PTPRM: variants seen among roughly 807,000 people sequenced by gnomAD.
PTPRM encodes the protein receptor-type tyrosine-protein phosphatase mu.
In PTPRM, 47 loss-of-function variants were observed where a neutral mutation model predicts 186.7. That is an observed-to-expected ratio of 0.25 (90% confidence interval 0.20 to 0.32). The LOEUF (loss-of-function observed/expected upper bound fraction) is 0.32. Among genes scored for constraint, PTPRM ranks in the 10% least tolerant of loss-of-function variants. The pLI is 1.00. For synonymous variants in PTPRM, 668 were observed against 674.9 expected (o/e 0.99, Z 0.16); for missense variants, 1,494 against 1,865.0 (o/e 0.80, Z 3.66).
At chr18:8,271,015 A>G (rs557934938) in intron 19 of PTPRM, among the ~76,000 whole-genome samples, 1 of 152,276 alleles carries the variant, frequency 6.6e-6, no homozygotes, top group East Asian at 1.9e-4. Flanking sequence ...CTCACCACAC[A>G]CACAAAAGTA....
intron 2 of PTPRM, among the ~76,000 whole-genome samples, chr18:7,785,006 A>G (rs983172470): frequency 6.6e-6 from 1 of 152,166 alleles, no homozygotes; most frequent in African/African-American, 2.4e-5. Context: ...TGGAACAGGT[A>G]GAAACGCCAG....
intron 14 of PTPRM, among the ~76,000 whole-genome samples, chr18:8,221,587 A>T (rs747884639): frequency 2.6e-4 from 40 of 152,170 alleles, no homozygotes; most frequent in Non-Finnish European, 4.6e-4. Flanking sequence ...GACAAAAGTG[A>T]GGTACAACAG....
intron 22 of PTPRM, among the ~76,000 whole-genome samples, chr18:8,331,039 A>G (rs931333913): frequency 2.0e-5 from 3 of 152,080 alleles, no homozygotes; most frequent in African/African-American, 4.8e-5. Flanking sequence ...TCCATATCCC[A>G]TCACTCAAAT....
At chr18:7,846,684 G>A (rs1023744011) in intron 2 of PTPRM, among the ~76,000 whole-genome samples, 6 of 152,260 alleles carry the variant, frequency 3.9e-5, no homozygotes, top group Non-Finnish European at 4.4e-5. Context: ...CTAGGGAAGC[G>A]CACAGCCCTG....
In PTPRM at chr18:8,030,270, T is replaced by C. The variant is rs557308341; in HGVS notation, c.1133-39416T>C. ...AGTTGTACCTTATACGTCTTTAATT[T>C]TCCCAGCAGCACTGAACATAGTTTG... On this transcript the variant is annotated intron_variant, in intron 7 of 32. Transcript: ENST00000580170. Among the ~76,000 whole-genome samples, 5 of 152,360 alleles carry C rather than the reference T, an allele frequency of 3.3e-5. No individual in the cohort carries two copies. The East Asian group carries it at 9.6e-4, about 29-fold the overall frequency.
intron 20 of PTPRM, among the ~76,000 whole-genome samples, chr18:8,297,907 C>T (rs550234230): frequency 2.0e-5 from 3 of 152,250 alleles, no homozygotes; most frequent in Admixed American, 1.3e-4. Context: ...TGTCACAGTC[C>T]TTTGTAGGTA....
At chr18:7,751,131 C>G (rs559465542) in intron 1 of PTPRM, 1 of 152,200 alleles carries the variant, frequency 6.6e-6, no homozygotes, top group Non-Finnish European at 1.5e-5. Context: ...GCCTAATGTT[C>G]AAGGTCAATG....
At chr18:8,117,687 A>G (rs931102531) in intron 13 of PTPRM, among the ~76,000 whole-genome samples, 1 of 152,104 alleles carries the variant, frequency 6.6e-6, no homozygotes, top group African/African-American at 2.4e-5. Context: ...ATGCACCTAG[A>G]TGAATTTCCT....
intron 5 of PTPRM, among the ~76,000 whole-genome samples, chr18:7,934,419 T>A (rs1305202467): frequency 6.6e-6 from 1 of 152,176 alleles, no homozygotes; most frequent in Non-Finnish European, 1.5e-5. Flanking sequence ...TTGCTCACAT[T>A]TTGTTTTTGA....
chr18:7,926,570 A>G lies in PTPRM; in HGVS notation c.550A>G (p.Arg184Gly), dbSNP rs1476991953. ...TTTCATTCTTTTTCTTTATGTAGCC[A>G]GGACTCCTCACTTCCTGCGGATTCA... is the stretch of plus-strand genomic sequence containing the variant. ...EVKVLGHPCT[R>G]TPHFLRIQNV... The change falls in exon 5 of 33, where the codon AGG becomes GGG. Residue 184 changes from arginine (R) to glycine (G), a missense_variant and splice_region_variant. Physicochemically the swap from Arg to Gly is moderately radical, Grantham distance 125 (BLOSUM62 -2). Coordinates refer to ENST00000580170, the MANE Select transcript of PTPRM (RefSeq NM_001105244.2). 1.2e-6 allele frequency: 2 copies of G among 1,610,534 alleles called. No homozygotes were observed. Among genetic ancestry groups the G allele is most frequent in the Middle Eastern group, 1.7e-4 (1 of 6,054 alleles).
At chr18:8,365,695 C>T (rs1048845919) in intron 23 of PTPRM, 17 of 152,266 alleles carry the variant, frequency 1.1e-4, no homozygotes, top group African/African-American at 4.1e-4. Flanking sequence ...AGGGGTTCCC[C>T]CTAGCTGTCC....
chr18:7,752,549 G>A (rs1006893562), intron 1 of PTPRM, among the ~76,000 whole-genome samples: 21 of 151,872 alleles, frequency 1.4e-4, no homozygotes, highest in African/African-American at 2.2e-4. Context: ...TCAGCCTCCC[G>A]AGTAGCTGGG....
intron 14 of PTPRM, among the ~76,000 whole-genome samples, chr18:8,205,748 A>G (rs546605649): frequency 3.9e-5 from 6 of 152,322 alleles, no homozygotes; most frequent in South Asian, 2.1e-4. Flanking sequence ...AGATTGTACT[A>G]TGTAATATAA....
intron 9 of PTPRM, among the ~76,000 whole-genome samples, chr18:8,080,143 A>T (rs909620446): frequency 1.4e-5 from 2 of 140,808 alleles, no homozygotes; most frequent in Non-Finnish European, 3.1e-5. Context: ...TAGTCTGTTG[A>T]TGGGAACACA....
chr18:8,274,004 G>A (rs1485197488), intron 19 of PTPRM, among the ~76,000 whole-genome samples: 1 of 152,118 alleles, frequency 6.6e-6, no homozygotes, highest in African/African-American at 2.4e-5. Flanking sequence ...CTACTCCAGT[G>A]TGCTTGAAAC....
At chr18:7,645,488 A>G (rs528480766) in intron 1 of PTPRM, among the ~76,000 whole-genome samples, 5 of 152,280 alleles carry the variant, frequency 3.3e-5, no homozygotes, top group East Asian at 3.9e-4. Context: ...ACATTTTGAG[A>G]AGGCTTATAA....
intron 1 of PTPRM, among the ~76,000 whole-genome samples, chr18:7,676,389 G>A (rs941146352): frequency 5.3e-5 from 8 of 152,128 alleles, no homozygotes; most frequent in African/African-American, 1.7e-4. Context: ...GTGTTGGTGA[G>A]CTTTAGCCTC....
intron 2 of PTPRM, among the ~76,000 whole-genome samples, chr18:7,872,667 G>C (rs1366567697): frequency 6.6e-6 from 1 of 152,196 alleles, no homozygotes; most frequent in Admixed American, 6.5e-5. Flanking sequence ...AGTGATTCAC[G>C]TGGCATCTCT....
At chr18:7,713,711 AAAGG>A (rs1359984802) in intron 1 of PTPRM, among the ~76,000 whole-genome samples, 1 of 151,994 alleles carries the variant, frequency 6.6e-6, no homozygotes, top group Non-Finnish European at 1.5e-5. Flanking sequence ...AAAAAAAAAA[AAAGG>A]AGGGGTCGCA....
Sources: gnomAD v4.1 joint callset for allele counts (sites outside exome capture counted in the v4.1 genomes callset) on GRCh38, gnomAD v4.1.1 for gene constraint, MANE v1.5 for transcripts, NCBI Gene and HGNC (gene_info 2026-07-23, HGNC 2026-07-21) for gene names.